Variants in KCNK13 observed in about 807,000 individuals in gnomAD.
KCNK13 encodes potassium channel subfamily K member 13.
KCNK13 carries 12 observed loss-of-function variants against 23.4 expected under a neutral mutation model. The observed-to-expected ratio is 0.51, with a 90% CI of 0.33 to 0.83. The LOEUF (loss-of-function observed/expected upper bound fraction) is 0.83. Ranked by LOEUF, KCNK13 falls within the 40% of genes least tolerant of loss-of-function variation. The probability of loss-of-function intolerance (pLI) is 0.02; values close to 1 mark genes in which losing one functional copy is unlikely to be tolerated. For missense variants in KCNK13, 463 were observed against 556.3 expected (o/e 0.83, Z 1.69); for synonymous variants, 231 against 229.5 (o/e 1.01, Z -0.06).
At chr14:90,146,163 T>A (rs1270725030) in intron 1 of KCNK13, among the ~76,000 whole-genome samples, 1 of 152,200 alleles carries the variant, frequency 6.6e-6, no homozygotes, top group Non-Finnish European at 1.5e-5. Context: ...TGCATAAACA[T>A]TTAGAATTTT....
At chr14:90,069,030 C>CTTTTTTTT (rs34881625) in intron 1 of KCNK13, among the ~76,000 whole-genome samples, 7 of 90,122 alleles carry the variant, frequency 7.8e-5, no homozygotes, top group African/African-American at 8.8e-5. Context: ...AGTTTTTATT[C>CTTTTTTTT]TTTTTTTTTT....
chr14:90,087,424 A>C (rs1479580968), intron 1 of KCNK13, among the ~76,000 whole-genome samples: 2 of 152,134 alleles, frequency 1.3e-5, no homozygotes, highest in East Asian at 1.9e-4. Flanking sequence ...TATTCTAAGA[A>C]GGGACCAATA....
At chr14:90,087,158 T>A (rs867803304) in intron 1 of KCNK13, among the ~76,000 whole-genome samples, 2,222 of 137,530 alleles carry the variant, frequency 0.016, 13 homozygotes, top group South Asian at 0.054. Flanking sequence ...ATATATATTT[T>A]TTTTTTTTAT....
chr14:90,109,248 C>T (rs923039461), intron 1 of KCNK13, among the ~76,000 whole-genome samples: 1 of 151,442 alleles, frequency 6.6e-6, no homozygotes, highest in Non-Finnish European at 1.5e-5. Flanking sequence ...TTTCCTTCTT[C>T]AGTCTCTAGT....
intron 1 of KCNK13, among the ~76,000 whole-genome samples, chr14:90,099,017 C>A (rs926608882): frequency 1.3e-5 from 2 of 151,854 alleles, no homozygotes; most frequent in African/African-American, 2.4e-5. Flanking sequence ...GCAGAGTTTG[C>A]AGTGAGCCGA....
chr14:90,118,486 A>G (rs937874744), intron 1 of KCNK13, among the ~76,000 whole-genome samples: 1 of 152,246 alleles, frequency 6.6e-6, no homozygotes, highest in Non-Finnish European at 1.5e-5. Context: ...TCCACATTGT[A>G]GCATGATTCA....
chr14:90,126,683 A>G (rs1889805320), intron 1 of KCNK13, among the ~76,000 whole-genome samples: 1 of 152,130 alleles, frequency 6.6e-6, no homozygotes, highest in African/African-American at 2.4e-5. Flanking sequence ...AGCTAGGACT[A>G]CAGGCACACG....
chr14:90,062,102 C>T lies in KCNK13; in HGVS notation c.-104C>T, dbSNP rs1015157730. On this transcript the variant is annotated 5_prime_UTR_variant, in exon 1 of 2. Transcript: ENST00000282146. This position sits in a 1 kb window ranked among gnomAD's most constrained non-coding sequence, Gnocchi z 4.5. ...ATGGGCGAGCCGGCGGTGGGGCGCC[C>T]GGGAGCTGGCTGAGCGCCGGGGCCC... The T allele has an allele frequency of 1.8e-5, 14 of 768,236 alleles. No homozygotes were observed. Among genetic ancestry groups the T allele is most frequent in the South Asian group, 4.0e-5 (1 of 25,232 alleles). The allele number at this position is 768,236 out of a possible 1,614,324, so 47.6% of individuals were successfully genotyped here.
chr14:90,090,836 C>T (rs1353507393), intron 1 of KCNK13, among the ~76,000 whole-genome samples: 4 of 152,180 alleles, frequency 2.6e-5, no homozygotes, highest in Admixed American at 6.5e-5. Flanking sequence ...CTTTGCCTGC[C>T]GCCATCCATG....
At chr14:90,160,921 G>A (rs183882136) in intron 1 of KCNK13, among the ~76,000 whole-genome samples, 3 of 151,546 alleles carry the variant, frequency 2.0e-5, no homozygotes, top group Admixed American at 2.0e-4. Flanking sequence ...AATCAGTTGT[G>A]AAAAAATATT....
chr14:90,070,112 T>C (rs1260811884), intron 1 of KCNK13, among the ~76,000 whole-genome samples: 1 of 152,256 alleles, frequency 6.6e-6, no homozygotes, highest in African/African-American at 2.4e-5. Flanking sequence ...CATTATTTTA[T>C]GTACCATCAA....
At chr14:90,084,762 A>G (rs943820494) in intron 1 of KCNK13, among the ~76,000 whole-genome samples, 52 of 152,272 alleles carry the variant, frequency 3.4e-4, no homozygotes, top group African/African-American at 1.1e-3. Flanking sequence ...GGTTTTGTAG[A>G]TGGCCTTTAC....
chr14:90,069,075 C>T (rs1889043532), intron 1 of KCNK13, among the ~76,000 whole-genome samples: 2 of 108,980 alleles, frequency 1.8e-5, no homozygotes, highest in South Asian at 6.2e-4. Flanking sequence ...TTCCCTTTGT[C>T]ACTGAGGCTA....
At chr14:90,082,508 A>G (rs1418262315) in intron 1 of KCNK13, among the ~76,000 whole-genome samples, 1 of 152,180 alleles carries the variant, frequency 6.6e-6, no homozygotes, top group Non-Finnish European at 1.5e-5. Context: ...TGGACATTTC[A>G]TATAAATGGA....
chr14:90,098,806 C>T lies in KCNK13; in HGVS notation c.334+36267C>T, dbSNP rs532406847. 1.4e-3 allele frequency among the ~76,000 whole-genome samples: 218 copies of T among 150,554 alleles called. 2 individuals are homozygous for T. The highest frequency in any genetic ancestry group is 2.1e-3 in the Non-Finnish European group (144 of 67,658). ...TGAAATTAAGGAACAAGGCCAGGCGCGGTGGCTCACGCCTGTAATCCCGGC... is the reference window on the plus strand; with the variant it reads ...TGAAATTAAGGAACAAGGCCAGGCGTGGTGGCTCACGCCTGTAATCCCGGC... On this transcript the variant is annotated intron_variant, in intron 1 of 1. Coordinates refer to ENST00000282146, the MANE Select transcript of KCNK13 (RefSeq NM_022054.4).
intron 1 of KCNK13, among the ~76,000 whole-genome samples, chr14:90,091,560 A>G (rs1321008458): frequency 6.6e-6 from 1 of 152,226 alleles, no homozygotes; most frequent in Non-Finnish European, 1.5e-5. Flanking sequence ...GATTTTGGAT[A>G]ATGCCCAAAA....
intron 1 of KCNK13, among the ~76,000 whole-genome samples, chr14:90,149,920 T>A (rs1890116146): frequency 6.6e-6 from 1 of 152,024 alleles, no homozygotes; most frequent in South Asian, 2.1e-4. Context: ...TGCTAGGCAC[T>A]GGAGACATAA....
intron 1 of KCNK13, among the ~76,000 whole-genome samples, chr14:90,126,768 C>G (rs1247445716): frequency 6.6e-6 from 1 of 152,122 alleles, no homozygotes; most frequent in Non-Finnish European, 1.5e-5. Flanking sequence ...GTCTCGAACT[C>G]CTGACCTCAA....
chr14:90,065,318 G>A (rs1218627678), intron 1 of KCNK13, among the ~76,000 whole-genome samples: 1 of 152,150 alleles, frequency 6.6e-6, no homozygotes, highest in Non-Finnish European at 1.5e-5. Context: ...TAAAACTTCA[G>A]AACCAGGGAA....
Sources: gnomAD v4.1 joint callset for allele counts (sites outside exome capture counted in the v4.1 genomes callset) on GRCh38, gnomAD v4.1.1 for gene constraint, Gnocchi (gnomAD v3.1) non-coding constraint, MANE v1.5 for transcripts, NCBI Gene and HGNC (gene_info 2026-07-23, HGNC 2026-07-21) for gene names.